MRPL4: variants seen among roughly 807,000 people sequenced by gnomAD.
MRPL4 encodes mitochondrial ribosomal protein L4, also known as large ribosomal subunit protein uL4m.
A neutral mutation model predicts 34.1 loss-of-function variants in MRPL4; 34 were observed. The observed-to-expected ratio is 1.00, with a 90% CI of 0.76 to 1.33. The LOEUF is 1.33. MRPL4 is among the 40% of genes most tolerant of loss of function. MRPL4 has a pLI of 0.00. For missense variants in MRPL4, 402 were observed against 434.6 expected (o/e 0.92, Z 0.67); for synonymous variants, 196 against 188.3 (o/e 1.04, Z -0.33).
Position 10,254,580 on chromosome 19 carries a change from T to A in MRPL4, c.276-9T>A. The A allele has an allele frequency of 6.2e-7, 1 of 1,613,258 alleles. No homozygotes were observed. Among genetic ancestry groups the A allele is most frequent in the East Asian group, 2.2e-5 (1 of 44,832 alleles). On this transcript the variant is annotated splice_polypyrimidine_tract_variant and intron_variant, in intron 3 of 8. Coordinates refer to ENST00000253099, the MANE Select transcript of MRPL4 (RefSeq NM_015956.3). ...AGTTGGGCTTCTCATGTGTCCTTCC[T>A]CCCCGCAGGCTGGACATACTGCACC...
Position 10,252,217 on chromosome 19 carries a change from G to T in MRPL4, c.-37G>T. 1.3e-6 allele frequency: 2 copies of T among 1,565,148 alleles called. No individual in the cohort carries two copies. The highest frequency in any genetic ancestry group is 1.7e-6 in the Non-Finnish European group (2 of 1,159,314). ...CAGCGGCGCCTCGCGAGGCTCCAGT[G>T]GCCTTGACCTCCCGCGGCGTGGGAG... On this transcript the variant is annotated 5_prime_UTR_variant, in exon 1 of 9. Transcript: ENST00000253099.
At chr19:10,258,187 G>A in intron 5 of MRPL4, 35 bp from the exon 6 acceptor site, 1 of 1,479,966 alleles carries the variant, frequency 6.8e-7, no homozygotes, top group Non-Finnish European at 9.4e-7. Flanking sequence ...GCTCTGCAGT[G>A]GCCCCTACCT....
At position 10,252,534 on chromosome 19, in the gene MRPL4, C is replaced by T; in HGVS notation, c.125-17C>T. 1 of 1,613,154 alleles carries T rather than the reference C, an allele frequency of 6.2e-7. No homozygotes were observed. On this transcript the variant is annotated splice_polypyrimidine_tract_variant and intron_variant, in intron 2 of 8. Transcript: ENST00000253099. The stretch of plus-strand genomic sequence containing the variant: ...CTGACCCTTGACCCTAACCTCTGAC[C>T]CCCGCAATCGCTCCAGGTCTCCCGG...
In MRPL4 at chr19:10,259,627, G is replaced by A; in HGVS notation, c.750G>A (p.Val250=). The A allele has an allele frequency of 6.5e-7, 1 of 1,546,526 alleles. No homozygotes were observed. The highest frequency in any genetic ancestry group is 8.7e-7 in the Non-Finnish European group (1 of 1,148,262). Residue 250 remains valine, a synonymous_variant, in exon 9 of 9, where the codon GTG becomes GTA. Transcript: ENST00000253099. The part of the protein sequence containing the change: ...FNLIPAVGLN[V]HSMLKHQTLV... The stretch of plus-strand genomic sequence containing the variant: ...CCACCCCGCCCCCAGGCCTAAATGT[G>A]CACAGCATGCTCAAGCACCAGACGC...
chr19:10,257,439 GCC>G (rs1261082762), intron 5 of MRPL4, among the ~76,000 whole-genome samples: 1 of 152,064 alleles, frequency 6.6e-6, no homozygotes, highest in East Asian at 1.9e-4. Flanking sequence ...CCTCCAGGAA[GCC>G]CCCCTTGATC....
At position 10,254,639 on chromosome 19, in the gene MRPL4, T is replaced by C. The variant is rs549277749; in HGVS notation, c.326T>C (p.Ile109Thr). 1.7e-5 allele frequency: 28 copies of C among 1,613,858 alleles called. No homozygotes were observed. The South Asian group carries it at 3.0e-4, about 17-fold the overall frequency. The change falls in exon 4 of 9, where the codon ATT (isoleucine) becomes ACT (threonine). Residue 109 changes from isoleucine (I) to threonine (T), a missense_variant and splice_region_variant. Ile to Thr is a moderately conservative substitution (Grantham distance 89). Transcript: ENST00000253099. Reference protein sequence around the residue: ...VAMWQKNFKRISYAKTKTRAE... With the variant: ...VAMWQKNFKRTSYAKTKTRAE... Reference sequence around the variant, plus strand: ...ATGTGGCAGAAGAACTTCAAGAGAATTGTGAGTGCCTAAATGGAGCAAGGT... The same window carrying C: ...ATGTGGCAGAAGAACTTCAAGAGAACTGTGAGTGCCTAAATGGAGCAAGGT...
chr19:10,253,439 A>G (rs1450924961), intron 3 of MRPL4, among the ~76,000 whole-genome samples: 1 of 137,512 alleles, frequency 7.3e-6, no homozygotes, highest in Non-Finnish European at 1.5e-5. Context: ...AGATCGCGCC[A>G]CTGCACTCCA....
chr19:10,256,527 G>C (rs1335819921), intron 4 of MRPL4, among the ~76,000 whole-genome samples, 181 bp from the exon 5 acceptor site: 2 of 152,132 alleles, frequency 1.3e-5, no homozygotes, highest in African/African-American at 4.8e-5. Context: ...TGTGAGGCTG[G>C]CATGGGGCAG....
chr19:10,253,946 C>G (rs980885580), intron 3 of MRPL4, among the ~76,000 whole-genome samples: 1 of 152,062 alleles, frequency 6.6e-6, no homozygotes, highest in Non-Finnish European at 1.5e-5. Flanking sequence ...GAAAACCAGT[C>G]CCTGAAGAAG....
In MRPL4 at chr19:10,254,718, C is replaced by T. The variant is rs544774018; in HGVS notation, c.327+78C>T. On this transcript the variant is annotated intron_variant, in intron 4 of 8. Coordinates refer to ENST00000253099, the MANE Select transcript of MRPL4 (RefSeq NM_015956.3). Reference sequence around the variant, plus strand: ...GGGATAGGACCCAGAGGAAGCCCATCGCTGGGTTTTCTCTGGACTGCTCGG... The same window carrying T: ...GGGATAGGACCCAGAGGAAGCCCATTGCTGGGTTTTCTCTGGACTGCTCGG... The T allele has an allele frequency of 2.2e-3, 3,417 of 1,531,030 alleles. 7 individuals carry two copies. Among genetic ancestry groups the T allele is most frequent in the Non-Finnish European group, 2.7e-3 (2,944 of 1,107,892 alleles). The allele number at this position is 1,531,030 out of a possible 1,614,324, so 94.8% of individuals were successfully genotyped here.
chr19:10,255,873 C>T (rs572394103), intron 4 of MRPL4, among the ~76,000 whole-genome samples: 4 of 152,198 alleles, frequency 2.6e-5, no homozygotes, highest in East Asian at 3.9e-4. Flanking sequence ...TAGGCCGGCA[C>T]GGTGGCTCAC....
Position 10,256,735 on chromosome 19 carries a change from G to A in MRPL4, c.355G>A (p.Glu119Lys), listed in dbSNP as rs571956458. ...ISYAKTKTRA[E>K]VRGGGRKPWP... is the part of the protein sequence containing the mutation. Reference sequence around the variant, plus strand: ...CTATGCCAAGACCAAGACGAGAGCCGAGGTGCGGGGCGGTGGCCGGAAGCC... The same window carrying A: ...CTATGCCAAGACCAAGACGAGAGCCAAGGTGCGGGGCGGTGGCCGGAAGCC... The change falls in exon 5 of 9, where the codon GAG (glutamate) becomes AAG (lysine). Residue 119 changes from glutamate to lysine, a missense_variant. By Grantham distance (56) the Glu-to-Lys change is moderately conservative. Transcript: ENST00000253099. 87 of 1,607,114 alleles carry A rather than the reference G, an allele frequency of 5.4e-5. 2 individuals carry two copies. In the South Asian group the frequency reaches 7.4e-4, roughly 14 times the overall value.
chr19:10,258,143 A>C, intron 5 of MRPL4, 79 bp from the exon 6 acceptor site: 1 of 1,033,342 alleles, frequency 9.7e-7, no homozygotes, highest in South Asian at 1.4e-5. Flanking sequence ...TCGTCACCCC[A>C]TGCCAGCCAC....
chr19:10,258,644 C>T lies in MRPL4; in HGVS notation c.698C>T (p.Ala233Val). The T allele has an allele frequency of 6.2e-7, 1 of 1,614,138 alleles. No homozygotes were observed. Among genetic ancestry groups the T allele is most frequent in the Non-Finnish European group, 8.5e-7 (1 of 1,180,044 alleles). ...HEEMPQSIVEATSRLKTFNLI... is the reference protein window; with the variant it reads ...HEEMPQSIVEVTSRLKTFNLI... ...GAGATGCCACAGAGCATCGTGGAGG[C>T]CACCTCTAGGCTTAAGACCTTCAAC... The change falls in exon 8 of 9, where the codon GCC becomes GTC. Residue 233 changes from alanine to valine, a missense_variant. Coordinates refer to ENST00000253099, the MANE Select transcript of MRPL4 (RefSeq NM_015956.3).
At chr19:10,254,793 G>C (rs551270740) in intron 4 of MRPL4, 153 bp downstream of exon 4, 141 of 665,392 alleles carry the variant, frequency 2.1e-4, no homozygotes, top group Non-Finnish European at 2.8e-4. Context: ...TCCATTTTTG[G>C]TTCTCTTTTT....
chr19:10,252,887 G>A (rs570530653), intron 3 of MRPL4, 186 bp downstream of exon 3: 6 of 872,204 alleles, frequency 6.9e-6, no homozygotes, highest in African/African-American at 6.8e-5. Flanking sequence ...ATTGAAGCCT[G>A]AGAGGTGACA....
intron 8 of MRPL4, 79 bp from the exon 9 acceptor site, chr19:10,259,538 G>T: frequency 6.5e-7 from 1 of 1,535,136 alleles, no homozygotes; most frequent in Non-Finnish European, 8.7e-7. Flanking sequence ...AGCACAAAGG[G>T]ACTCCGATGT....
At chr19:10,259,591 C>T (rs1186119653) in intron 8 of MRPL4, 26 bp from the exon 9 acceptor site, 11 of 1,470,312 alleles carry the variant, frequency 7.5e-6, no homozygotes, top group Non-Finnish European at 9.8e-6. Context: ...GACCGGCCCC[C>T]CGCCCCGCCC....
chr19:10,259,226 T>C (rs1325987414), intron 8 of MRPL4: 2 of 1,217,334 alleles, frequency 1.6e-6, no homozygotes, highest in East Asian at 7.6e-5. Flanking sequence ...CCCACGCCCC[T>C]CGCTGGCTTC....
Sources: allele counts gnomAD v4.1 joint callset (sites outside exome capture counted in the v4.1 genomes callset), GRCh38; gene constraint gnomAD v4.1.1; transcripts MANE v1.5; gene names NCBI Gene and HGNC (gene_info 2026-07-23, HGNC 2026-07-21).